GRID2: variants seen among roughly 807,000 people sequenced by gnomAD.
GRID2 encodes glutamate receptor ionotropic, delta-2.
Under a neutral mutation model 114.8 loss-of-function variants are expected in GRID2, and 33 were observed. That is an observed-to-expected ratio of 0.29 (90% CI 0.22 to 0.38). The LOEUF (loss-of-function observed/expected upper bound fraction) is 0.38, where lower values mean the gene tolerates loss of function less well. Among genes scored for constraint, GRID2 ranks in the 10% least tolerant of loss-of-function variants. The pLI, the probability that GRID2 is intolerant of heterozygous loss-of-function variation, is 1.00. For missense variants in GRID2, 1,184 were observed against 1,257.7 expected (o/e 0.94, Z 0.89); for synonymous variants, 505 against 449.9 (o/e 1.12, Z -1.55).
At chr4:92,459,062 T>A (rs1030770291) in intron 1 of GRID2, among the ~76,000 whole-genome samples, 1 of 152,174 alleles carries the variant, frequency 6.6e-6, no homozygotes, top group African/African-American at 2.4e-5. Context: ...AAAAGTTATC[T>A]TTGAAACATT....
At chr4:92,907,780 T>C (rs1442796341) in intron 2 of GRID2, among the ~76,000 whole-genome samples, 3 of 151,998 alleles carry the variant, frequency 2.0e-5, no homozygotes, top group Admixed American at 1.3e-4. Context: ...TCCAAGCACT[T>C]TGGGAGGCCG....
chr4:93,280,094 C>T (rs924575326), intron 8 of GRID2, among the ~76,000 whole-genome samples: 1 of 151,736 alleles, frequency 6.6e-6, no homozygotes, highest in Non-Finnish European at 1.5e-5. Flanking sequence ...ACTATGGAAG[C>T]CAGGAGAAGT....
chr4:92,788,566 A>G (rs1000398049), intron 2 of GRID2, among the ~76,000 whole-genome samples: 1 of 151,896 alleles, frequency 6.6e-6, no homozygotes, highest in Non-Finnish European at 1.5e-5. Context: ...GAAATATGAA[A>G]GCATTCTCAT....
chr4:92,779,332 A>G (rs529363300), intron 2 of GRID2, among the ~76,000 whole-genome samples: 1 of 151,912 alleles, frequency 6.6e-6, no homozygotes, highest in Non-Finnish European at 1.5e-5. Flanking sequence ...TATTGCTTTC[A>G]TTACTGTTCA....
intron 1 of GRID2, among the ~76,000 whole-genome samples, chr4:92,482,852 TTTA>T (rs1437328030): frequency 6.6e-6 from 1 of 152,238 alleles, no homozygotes; most frequent in Admixed American, 6.5e-5. Flanking sequence ...AATGCTTATT[TTTA>T]TTATTAACAT....
At chr4:93,005,308 AACTC>A (rs1299446185) in intron 2 of GRID2, among the ~76,000 whole-genome samples, 1 of 152,090 alleles carries the variant, frequency 6.6e-6, no homozygotes, top group Non-Finnish European at 1.5e-5. Flanking sequence ...TATTCTCACT[AACTC>A]ACTCAATAAG....
Position 92,862,260 on chromosome 4 carries a change from C to T in GRID2, c.245-222735C>T, listed in dbSNP as rs190262849. Among the ~76,000 whole-genome samples the T allele has an allele frequency of 1.4e-4, 22 of 152,056 alleles. 1 individual carries two copies. Among genetic ancestry groups the T allele is most frequent in the Admixed American group, 8.5e-4 (13 of 15,278 alleles). On this transcript the variant is annotated intron_variant, in intron 2 of 15. Coordinates refer to ENST00000282020, the MANE Select transcript of GRID2 (RefSeq NM_001510.4). ...AGTACATTTACCTCATATTTTGCTA[C>T]CCCCAAATCAAGGATGTTTTATGCA...
intron 1 of GRID2, among the ~76,000 whole-genome samples, chr4:92,340,097 G>T (rs188430394): frequency 1.3e-5 from 2 of 152,132 alleles, no homozygotes; most frequent in South Asian, 4.2e-4. Flanking sequence ...AAAAAATAAT[G>T]TATTATTTAA....
intron 2 of GRID2, among the ~76,000 whole-genome samples, chr4:92,679,839 A>T (rs1408265988): frequency 2.0e-5 from 3 of 152,040 alleles, no homozygotes; most frequent in Non-Finnish European, 4.4e-5. Flanking sequence ...TGGAATGGCA[A>T]AATTTAGACA....
intron 1 of GRID2, among the ~76,000 whole-genome samples, chr4:92,432,263 T>C (rs539222642): frequency 2.6e-5 from 4 of 152,248 alleles, no homozygotes; most frequent in Admixed American, 2.0e-4. Flanking sequence ...CTGATGGTCA[T>C]TTAAGGCCCA....
At chr4:93,580,966 T>C (rs1176167833) in intron 13 of GRID2, among the ~76,000 whole-genome samples, 2 of 151,974 alleles carry the variant, frequency 1.3e-5, no homozygotes, top group Non-Finnish European at 2.9e-5. Flanking sequence ...ATATATTTAA[T>C]GTAAGTTCTG....
chr4:93,192,075 G>A (rs943948362), intron 4 of GRID2, among the ~76,000 whole-genome samples: 1 of 151,888 alleles, frequency 6.6e-6, no homozygotes, highest in Non-Finnish European at 1.5e-5. Flanking sequence ...TTTCACTGGG[G>A]CTTATGTCTT....
chr4:93,024,091 C>T (rs1723654200), intron 2 of GRID2, among the ~76,000 whole-genome samples: 1 of 151,708 alleles, frequency 6.6e-6, no homozygotes, highest in African/African-American at 2.4e-5. Flanking sequence ...AAATAAAAAG[C>T]CAGATACGGA....
At chr4:92,444,891 C>G (rs1733365958) in intron 1 of GRID2, among the ~76,000 whole-genome samples, 1 of 152,004 alleles carries the variant, frequency 6.6e-6, no homozygotes, top group African/African-American at 2.4e-5. Context: ...AATATTTTCT[C>G]AAAAAGTGAA....
At chr4:93,546,897 A>G (rs1167690151) in intron 13 of GRID2, among the ~76,000 whole-genome samples, 1 of 152,046 alleles carries the variant, frequency 6.6e-6, no homozygotes, top group African/African-American at 2.4e-5. Flanking sequence ...TGGCTAAAGG[A>G]CTTGTCTTAC....
intron 13 of GRID2, among the ~76,000 whole-genome samples, chr4:93,585,289 C>G (rs1215137071): frequency 1.3e-5 from 2 of 152,080 alleles, no homozygotes; most frequent in African/African-American, 4.8e-5. Context: ...ATTGAAAGCT[C>G]CGTTTTTGTC....
chr4:92,949,307 G>A (rs538715958), intron 2 of GRID2, among the ~76,000 whole-genome samples: 4 of 152,030 alleles, frequency 2.6e-5, no homozygotes, highest in East Asian at 3.9e-4. Flanking sequence ...AATAAAAATA[G>A]GGCATAGTCT....
At chr4:93,725,446 A>C (rs1028957650) in intron 14 of GRID2, among the ~76,000 whole-genome samples, 19 of 152,204 alleles carry the variant, frequency 1.2e-4, no homozygotes, top group African/African-American at 4.3e-4. Context: ...ATAAACATAC[A>C]TGTGCATGTG....
At chr4:93,061,562 AG>A (rs1727813137) in intron 2 of GRID2, among the ~76,000 whole-genome samples, 1 of 152,152 alleles carries the variant, frequency 6.6e-6, no homozygotes, top group South Asian at 2.1e-4. Flanking sequence ...GAAAGAAGAA[AG>A]TGAAGGCTGG....
Sources: gnomAD v4.1 joint callset for allele counts (sites outside exome capture counted in the v4.1 genomes callset) on GRCh38, gnomAD v4.1.1 for gene constraint, MANE v1.5 for transcripts, NCBI Gene and HGNC (gene_info 2026-07-23, HGNC 2026-07-21) for gene names.